Variants in RECQL5 observed in about 807,000 individuals in gnomAD.
RECQL5 encodes ATP-dependent DNA helicase Q5.
Under a neutral mutation model 103.4 loss-of-function variants are expected in RECQL5, and 88 were observed. That is an observed-to-expected ratio of 0.85 (90% CI 0.72 to 1.02). The LOEUF is 1.02. Ranked by LOEUF, RECQL5 falls within the 50% of genes least tolerant of loss-of-function variation. The probability of loss-of-function intolerance (pLI) is 0.00; values close to 1 mark genes in which losing one functional copy is unlikely to be tolerated. For missense variants in RECQL5, 1,232 were observed against 1,284.3 expected, an observed-to-expected ratio of 0.96 and a Z score of 0.62; for synonymous variants, 552 against 507.9, an observed-to-expected ratio of 1.09 and a Z score of -1.17.
intron 18 of RECQL5, 91 bp from the exon 19 acceptor site, chr17:75,627,783 G>A (rs989513253): frequency 4.4e-6 from 5 of 1,135,814 alleles, no homozygotes; most frequent in South Asian, 1.4e-5. Flanking sequence ...ACTTTGGGAG[G>A]CCGAGGCGGG....
intron 7 of RECQL5, among the ~76,000 whole-genome samples, chr17:75,657,500 G>A (rs967138221): frequency 6.6e-6 from 1 of 152,112 alleles, no homozygotes; most frequent in African/African-American, 2.4e-5. Context: ...TGTAATCTCA[G>A]TAGTTTGGGA....
intron 8 of RECQL5, chr17:75,633,301 C>T (rs1228328518): frequency 1.3e-5 from 7 of 531,010 alleles, no homozygotes; most frequent in Non-Finnish European, 2.0e-5. Context: ...CAAAGAGCTC[C>T]ATTGACAGCG....
At chr17:75,659,935 T>C (rs749004695) in intron 6 of RECQL5, among the ~76,000 whole-genome samples, 1 of 152,230 alleles carries the variant, frequency 6.6e-6, no homozygotes, top group South Asian at 2.1e-4. Flanking sequence ...CCGACTCTTC[T>C]AGACTATTAG....
intron 5 of RECQL5, 22 bp from the exon 6 acceptor site, chr17:75,661,088 A>G: frequency 6.3e-7 from 1 of 1,585,116 alleles, no homozygotes; most frequent in Non-Finnish European, 8.7e-7. Context: ...GGGAAGATGG[A>G]GAAGGGAACT....
chr17:75,627,762 G>A, intron 18 of RECQL5, 70 bp from the exon 19 acceptor site: 2 of 1,400,458 alleles, frequency 1.4e-6, no homozygotes, highest in South Asian at 2.5e-5. Context: ...GCTCACGCCT[G>A]TAATCCCAGC....
rs2059114742 is a variant in RECQL5, at chr17:75,627,360, G to A, written c.*62C>T. Reference sequence around the variant, plus strand: ...GATGGCCCTGGCATCAGCAGGTGAGGCCCAGGATGACCCATGCTAGAATCT... The same window carrying A: ...GATGGCCCTGGCATCAGCAGGTGAGACCCAGGATGACCCATGCTAGAATCT... On this transcript the variant is annotated 3_prime_UTR_variant, in exon 20 of 20. Transcript: ENST00000317905. 4.0e-6 allele frequency: 5 copies of A among 1,252,196 alleles called. No individual in the cohort carries two copies. The highest frequency in any genetic ancestry group is 1.5e-5 in the African/African-American group (1 of 67,980). 77.6% of individuals were successfully genotyped at this position (1,252,196 alleles called of 1,614,324 possible).
chr17:75,650,192 C>A, intron 8 of RECQL5: 1 of 987,936 alleles, frequency 1.0e-6, no homozygotes, highest in Non-Finnish European at 1.2e-6. Context: ...GCAAAGGCTG[C>A]AGGCAAGGGT....
chr17:75,648,042 C>T (rs1201772350), intron 8 of RECQL5: 1 of 169,480 alleles, frequency 5.9e-6, no homozygotes, highest in East Asian at 1.9e-4. Flanking sequence ...CAAAGCCGCA[C>T]CGGGGCCTGC....
chr17:75,651,745 A>G (rs2059558251), intron 7 of RECQL5, among the ~76,000 whole-genome samples: 1 of 152,198 alleles, frequency 6.6e-6, no homozygotes, highest in Non-Finnish European at 1.5e-5. Flanking sequence ...AGTTTCCGAA[A>G]AGCTTCTCAG....
chr17:75,661,701 C>A lies in RECQL5; in HGVS notation c.779G>T (p.Gly260Val). 1.2e-6 allele frequency: 2 copies of A among 1,613,256 alleles called. No individual in the cohort carries two copies. Among genetic ancestry groups the A allele is most frequent in the African/African-American group, 1.3e-5 (1 of 75,048 alleles). ...LGQEADKGLS[G>V]CGIVYCRTRE... ...AGTCCTGCAGTACACAATGCCGCAG[C>A]CAGATAACTGAATGGGGAGATGCAG... is the stretch of plus-strand genomic sequence containing the variant. The change falls in exon 5 of 20, where the codon GGC (glycine) becomes GTC (valine). Residue 260 changes from glycine to valine, a missense_variant. Physicochemically the swap from Gly to Val is moderately radical, Grantham distance 109. Coordinates refer to ENST00000317905, the MANE Select transcript of RECQL5 (RefSeq NM_004259.7).
intron 9 of RECQL5, 100 bp downstream of exon 9, chr17:75,631,350 G>A (rs937988993): frequency 4.8e-5 from 73 of 1,526,334 alleles, no homozygotes; most frequent in Non-Finnish European, 5.9e-5. Flanking sequence ...ACCAGCTCAA[G>A]GGGGGATTGC....
In RECQL5 at chr17:75,650,448, G is replaced by A. The variant is rs1174129095; in HGVS notation, c.1229+738C>T. The A allele has an allele frequency of 6.7e-6, 9 of 1,334,308 alleles. No individual in the cohort carries two copies. The East Asian group carries it at 1.1e-4, about 16-fold the overall frequency. The allele number at this position is 1,334,308 out of a possible 1,614,324, so 82.7% of individuals were successfully genotyped here. A position where few individuals can be genotyped will look rare whatever the true frequency, so the allele number is the denominator to read the frequency against. ...AGGACGCCACTGAAAATCAGGAGACGGGTGTTTAGTGGCCTCAGTCTACCA... is the reference window on the plus strand; with the variant it reads ...AGGACGCCACTGAAAATCAGGAGACAGGTGTTTAGTGGCCTCAGTCTACCA... On this transcript the variant is annotated intron_variant, in intron 8 of 19. Coordinates refer to ENST00000317905, the MANE Select transcript of RECQL5 (RefSeq NM_004259.7).
At chr17:75,655,423 G>A (rs1003082220) in intron 7 of RECQL5, among the ~76,000 whole-genome samples, 1 of 145,772 alleles carries the variant, frequency 6.9e-6, no homozygotes, top group African/African-American at 2.6e-5. Context: ...GAGTGCAGTG[G>A]TGCAATCTGG....
rs2059162139 is a variant in RECQL5 at position 75,629,285 on chromosome 17, C to T, written c.2138G>A (p.Arg713Lys). 1.3e-6 allele frequency: 2 copies of T among 1,595,946 alleles called. No individual in the cohort carries two copies. Among genetic ancestry groups the T allele is most frequent in the African/African-American group, 1.3e-5 (1 of 74,564 alleles). The change falls in exon 16 of 20, where the codon AGA becomes AAA. Residue 713 changes from arginine to lysine, a missense_variant. Transcript: ENST00000317905. ...EDGSEPLPGP[R>K]GEVPGGSAHY... is the part of the protein sequence containing the mutation. ...AGCGCTGCCTCCAGGGACCTCCCCT[C>T]TGGGCCCAGGGAGGGGCTCACTCCC...
At chr17:75,665,249 T>A in intron 2 of RECQL5, 77 bp from the exon 3 acceptor site, 1 of 1,390,376 alleles carries the variant, frequency 7.2e-7, no homozygotes, top group Non-Finnish European at 1.0e-6. Flanking sequence ...AATGAGAATG[T>A]AGGAAAAGCA....
chr17:75,639,653 T>C (rs1281389881), intron 8 of RECQL5: 3 of 152,274 alleles, frequency 2.0e-5, no homozygotes, highest in Non-Finnish European at 4.4e-5. Context: ...ACTGGGCTGG[T>C]GGGAGAGGTT....
chr17:75,643,578 C>A (rs915067725), intron 8 of RECQL5, among the ~76,000 whole-genome samples: 1 of 152,226 alleles, frequency 6.6e-6, no homozygotes, highest in African/African-American at 2.4e-5. Flanking sequence ...CTGGCCCGCT[C>A]CTTTAAGAGG....
At chr17:75,638,083 G>A (rs1337208586) in intron 8 of RECQL5, 1 of 152,190 alleles carries the variant, frequency 6.6e-6, no homozygotes, top group Non-Finnish European at 1.5e-5. Context: ...GGTGAGGTGT[G>A]AGAAGCTGGG....
chr17:75,635,539 G>C (rs1233435729), intron 8 of RECQL5, among the ~76,000 whole-genome samples: 1 of 152,222 alleles, frequency 6.6e-6, no homozygotes, highest in Admixed American at 6.5e-5. Flanking sequence ...GGGCCTGCCA[G>C]GGGTTCAAGC....
Sources: allele counts gnomAD v4.1 joint callset (sites outside exome capture counted in the v4.1 genomes callset), GRCh38; gene constraint gnomAD v4.1.1; transcripts MANE v1.5; gene names NCBI Gene and HGNC (gene_info 2026-07-23, HGNC 2026-07-21).